The following WDR37 variants were observed in gnomAD, a reference collection of about 807,000 sequenced individuals.
WDR37 encodes WD repeat-containing protein 37.
WDR37 carries 19 observed loss-of-function variants against 62.9 expected under a neutral mutation model. The observed-to-expected ratio is 0.30, with a 90% confidence interval of 0.21 to 0.44. The LOEUF is 0.44. Among genes scored for constraint, WDR37 ranks in the 20% least tolerant of loss-of-function variants. The pLI is 1.00. For synonymous variants in WDR37, 250 were observed against 260.9 expected (o/e 0.96, Z 0.40); for missense variants, 474 against 657.6 (o/e 0.72, Z 3.05).
chr10:1,085,848 G>T (rs561454843), intron 6 of WDR37, among the ~76,000 whole-genome samples: 33 of 152,162 alleles, frequency 2.2e-4, no homozygotes, highest in Non-Finnish European at 3.5e-4. Flanking sequence ...AAAAAATAAT[G>T]GCTATAAGAG....
intron 1 of WDR37, among the ~76,000 whole-genome samples, chr10:1,068,342 G>A (rs1047756860): frequency 5.5e-5 from 4 of 72,284 alleles, no homozygotes; most frequent in Non-Finnish European, 1.1e-4. Flanking sequence ...TTAGCCGGGC[G>A]TGGTGGCGGG....
intron 5 of WDR37, among the ~76,000 whole-genome samples, chr10:1,081,693 T>C (rs1434297995): frequency 6.6e-6 from 1 of 152,226 alleles, no homozygotes; most frequent in African/African-American, 2.4e-5. Flanking sequence ...TTACAAGTTT[T>C]GAACTTTTTA....
chr10:1,061,705 G>T (rs932604562), intron 1 of WDR37, among the ~76,000 whole-genome samples: 1 of 152,136 alleles, frequency 6.6e-6, no homozygotes, highest in African/African-American at 2.4e-5. Context: ...TGGGCATGGT[G>T]TTGGGTGCCT....
At chr10:1,102,308 G>A (rs1238929054) in intron 9 of WDR37, among the ~76,000 whole-genome samples, 1 of 147,692 alleles carries the variant, frequency 6.8e-6, no homozygotes, top group African/African-American at 2.5e-5. Flanking sequence ...GTGCGTTCCC[G>A]TGCTGCTGTG....
chr10:1,103,913 C>T lies in WDR37; in HGVS notation c.961+77C>T. On this transcript the variant is annotated intron_variant, in intron 10 of 13. Coordinates refer to ENST00000263150, the MANE Select transcript of WDR37 (RefSeq NM_014023.4). This position sits in a 1 kb window ranked among gnomAD's most constrained non-coding sequence, Gnocchi z 6.3. Reference sequence around the variant, plus strand: ...GTCCATGGGTTATGTCTGACCTTGCCACTTACTTCTTGACCAGAATGAGTC... The same window carrying T: ...GTCCATGGGTTATGTCTGACCTTGCTACTTACTTCTTGACCAGAATGAGTC... The T allele has an allele frequency of 7.0e-7, 1 of 1,431,640 alleles. No homozygotes were observed. Among genetic ancestry groups the T allele is most frequent in the Non-Finnish European group, 9.6e-7 (1 of 1,041,104 alleles). 88.7% of individuals were successfully genotyped at this position (1,431,640 alleles called of 1,614,324 possible).
Position 1,129,215 on chromosome 10 carries a change from C to A in WDR37, c.1356C>A (p.Gly452=). ...LARLPRSSRQ[G]HRRMVCCSAW... ...TTGGTTTGTTTGATCATCACTAGGG[C>A]CACAGGAGAATGGTATGCTGCTCGG... Residue 452 remains glycine (G), a splice_region_variant and synonymous_variant, in exon 14 of 14, where the codon GGC becomes GGA. Transcript: ENST00000263150. The A allele has an allele frequency of 6.2e-7, 1 of 1,613,836 alleles. No homozygotes were observed. The highest frequency in any genetic ancestry group is 8.5e-7 in the Non-Finnish European group (1 of 1,179,830).
At chr10:1,063,928 A>G (rs999948714) in intron 1 of WDR37, among the ~76,000 whole-genome samples, 5 of 152,210 alleles carry the variant, frequency 3.3e-5, no homozygotes, top group Admixed American at 1.3e-4. Context: ...CAGGATTTCA[A>G]TGGAAAATCA....
intron 11 of WDR37, among the ~76,000 whole-genome samples, chr10:1,106,825 G>T (rs770727899): frequency 6.6e-6 from 1 of 152,274 alleles, no homozygotes; most frequent in Middle Eastern, 3.4e-3. Context: ...CCAGGACAAC[G>T]TTTTTAAAAA....
intron 13 of WDR37, among the ~76,000 whole-genome samples, chr10:1,125,588 G>A (rs374292059): frequency 1.3e-5 from 2 of 152,192 alleles, no homozygotes; most frequent in East Asian, 3.8e-4. Context: ...ACAGGCATGC[G>A]GAACGAGCTC....
chr10:1,094,577 G>A (rs182728248), intron 8 of WDR37, among the ~76,000 whole-genome samples: 1 of 152,312 alleles, frequency 6.6e-6, no homozygotes, highest in Admixed American at 6.5e-5. Flanking sequence ...AGCAGACAAG[G>A]AGTTTACACC....
chr10:1,065,188 T>G (rs1833498034), intron 1 of WDR37, among the ~76,000 whole-genome samples: 1 of 152,180 alleles, frequency 6.6e-6, no homozygotes. Context: ...GTGTTTGGAA[T>G]TTGAAGCATA....
At chr10:1,067,857 G>GCACACA (rs142959146) in intron 1 of WDR37, among the ~76,000 whole-genome samples, 1 of 151,246 alleles carries the variant, frequency 6.6e-6, no homozygotes, top group Non-Finnish European at 1.5e-5. Context: ...AATGTGGTGC[G>GCACACA]CACACACACA....
At chr10:1,093,778 C>G (rs766290646) in intron 8 of WDR37, among the ~76,000 whole-genome samples, 1 of 152,178 alleles carries the variant, frequency 6.6e-6, no homozygotes, top group Middle Eastern at 3.2e-3. Context: ...CTGCTCCCCC[C>G]GCAGTTCCTG....
intron 9 of WDR37, among the ~76,000 whole-genome samples, chr10:1,101,219 G>T (rs183624925): frequency 6.6e-6 from 1 of 152,272 alleles, no homozygotes; most frequent in African/African-American, 2.4e-5. Flanking sequence ...CCACAGGCAG[G>T]GTGACTTCTG....
chr10:1,074,591 C>T (rs556200791), intron 2 of WDR37: 3 of 1,193,604 alleles, frequency 2.5e-6, no homozygotes, highest in African/African-American at 1.6e-5. Context: ...GCTCTGCCTT[C>T]CCCCTGCCGT....
chr10:1,072,073 A>G (rs1833748191), intron 1 of WDR37, 43 bp from the exon 2 acceptor site: 2 of 1,505,198 alleles, frequency 1.3e-6, no homozygotes, highest in South Asian at 1.3e-5. Flanking sequence ...CTTTTGTTTC[A>G]ACTCGCTGTA....
intron 9 of WDR37, among the ~76,000 whole-genome samples, chr10:1,102,050 T>TAGTAATGTATA (rs1834828581): frequency 7.2e-6 from 1 of 139,548 alleles, no homozygotes; most frequent in African/African-American, 2.7e-5. Flanking sequence ...GTGCGTTCCC[T>TAGTAATGTATA]TGCTGCTGTG....
chr10:1,089,405 C>G (rs1834308038), intron 7 of WDR37, among the ~76,000 whole-genome samples: 1 of 152,066 alleles, frequency 6.6e-6, no homozygotes, highest in Non-Finnish European at 1.5e-5. Context: ...CTCAGGGCTT[C>G]CATGATGACT....
intron 4 of WDR37, 106 bp downstream of exon 4, chr10:1,080,212 C>T (rs1833987542): frequency 1.0e-5 from 14 of 1,349,036 alleles, no homozygotes; most frequent in East Asian, 9.5e-5. Context: ...CAGCAGACCT[C>T]GAACTATCTA....
Sources: allele counts gnomAD v4.1 joint callset (sites outside exome capture counted in the v4.1 genomes callset), GRCh38; gene constraint gnomAD v4.1.1; non-coding constraint Gnocchi (gnomAD v3.1); transcripts MANE v1.5; gene names NCBI Gene and HGNC (gene_info 2026-07-23, HGNC 2026-07-21).